KCNH8: variants seen among roughly 807,000 people sequenced by gnomAD.
The protein encoded by KCNH8 is potassium voltage-gated channel subfamily H member 8.
Under a neutral mutation model 103.6 loss-of-function variants are expected in KCNH8, and 70 were observed. That is an observed-to-expected ratio of 0.68 (90% CI 0.56 to 0.82). The LOEUF is 0.82. KCNH8 is among the 40% of genes least tolerant of loss of function. The probability of loss-of-function intolerance (pLI) is 0.00; values close to 1 mark genes in which losing one functional copy is unlikely to be tolerated. For synonymous variants in KCNH8, 498 were observed against 489.4 expected (o/e 1.02, Z -0.23); for missense variants, 1,217 against 1,329.9 (o/e 0.92, Z 1.32).
At chr3:19,245,084 T>A (rs928261488) in intron 1 of KCNH8, among the ~76,000 whole-genome samples, 1 of 152,218 alleles carries the variant, frequency 6.6e-6, no homozygotes, top group African/African-American at 2.4e-5. Context: ...ATTTTTATAG[T>A]TTGAAGTCTT....
chr3:19,394,504 A>AGC (rs1050739991), intron 6 of KCNH8, among the ~76,000 whole-genome samples: 9 of 152,014 alleles, frequency 5.9e-5, no homozygotes, highest in Admixed American at 3.9e-4. Context: ...AGAGAGAGAG[A>AGC]GAGCGAGCTT....
chr3:19,248,217 A>G (rs1020024586), intron 1 of KCNH8, among the ~76,000 whole-genome samples: 3 of 152,178 alleles, frequency 2.0e-5, no homozygotes, highest in Admixed American at 6.5e-5. Flanking sequence ...TGGCCAGTAG[A>G]AGGATATTTC....
intron 2 of KCNH8, among the ~76,000 whole-genome samples, chr3:19,256,825 G>A (rs138969266): frequency 2.0e-5 from 3 of 152,146 alleles, no homozygotes; most frequent in African/African-American, 7.2e-5. Flanking sequence ...TAAGTTAGTC[G>A]CCATGGGGAA....
intron 3 of KCNH8, among the ~76,000 whole-genome samples, chr3:19,319,729 T>A (rs1206595115): frequency 3.3e-5 from 5 of 152,038 alleles, no homozygotes; most frequent in Non-Finnish European, 7.4e-5. Context: ...TTATGGAAAT[T>A]GCATTGAATT....
chr3:19,338,794 T>A (rs2065619446), intron 3 of KCNH8, among the ~76,000 whole-genome samples: 1 of 152,128 alleles, frequency 6.6e-6, no homozygotes, highest in South Asian at 2.1e-4. Context: ...TACTCAATAT[T>A]ATGTTTTTGA....
At position 19,456,681 on chromosome 3, in the gene KCNH8, T is replaced by C. The variant is rs2067536698; in HGVS notation, c.1826-87T>C. ...TCTTCTCTTTTCAGTGTAATCTCAC[T>C]GAAAAATGAAGCCTGTAAGTCAAAT... is the stretch of plus-strand genomic sequence containing the variant. On this transcript the variant is annotated intron_variant, in intron 10 of 15. Transcript: ENST00000328405. 4.7e-6 allele frequency: 4 copies of C among 858,416 alleles called. No individual in the cohort carries two copies. The Admixed American group carries it at 8.7e-5, about 19-fold the overall frequency. The allele number at this position is 858,416 out of a possible 1,614,324, so 53.2% of individuals were successfully genotyped here.
At chr3:19,266,104 T>G in intron 2 of KCNH8, among the ~76,000 whole-genome samples, 1 of 152,110 alleles carries the variant, frequency 6.6e-6, no homozygotes, top group East Asian at 1.9e-4. Flanking sequence ...AAACACATGC[T>G]ACTGTCTTAT....
intron 3 of KCNH8, among the ~76,000 whole-genome samples, chr3:19,296,866 A>T (rs547424622): frequency 6.7e-6 from 1 of 148,838 alleles, no homozygotes; most frequent in South Asian, 2.1e-4. Context: ...TTTTTTTCTT[A>T]AAAAAAAAAG....
At chr3:19,460,292 G>C (rs2067602293) in intron 11 of KCNH8, among the ~76,000 whole-genome samples, 1 of 152,080 alleles carries the variant, frequency 6.6e-6, no homozygotes, top group Non-Finnish European at 1.5e-5. Context: ...ATTTAGCAGA[G>C]CCTGAGCTCC....
rs182186430 is a variant in KCNH8 at position 19,435,023 on chromosome 3, A to C, written c.1178-3141A>C. On this transcript the variant is annotated intron_variant, in intron 7 of 15. Coordinates refer to ENST00000328405, the MANE Select transcript of KCNH8 (RefSeq NM_144633.3). ...TAAAACTTGAAAACTGCTAAGAATAAATCTTAAATGTTCTCACCACACACA... is the reference window on the plus strand; with the variant it reads ...TAAAACTTGAAAACTGCTAAGAATACATCTTAAATGTTCTCACCACACACA... Among the ~76,000 whole-genome samples the C allele has an allele frequency of 4.0e-3, 614 of 152,236 alleles. 5 individuals carry two copies. Among genetic ancestry groups the C allele is most frequent in the Middle Eastern group, 0.017 (5 of 294 alleles).
At chr3:19,202,342 T>C (rs2063671619) in intron 1 of KCNH8, among the ~76,000 whole-genome samples, 3 of 152,156 alleles carry the variant, frequency 2.0e-5, no homozygotes, top group Non-Finnish European at 2.9e-5. Context: ...CCTGCCATAA[T>C]TTGAACTAGT....
At chr3:19,298,460 C>T (rs1189917367) in intron 3 of KCNH8, among the ~76,000 whole-genome samples, 1 of 152,094 alleles carries the variant, frequency 6.6e-6, no homozygotes, top group African/African-American at 2.4e-5. Context: ...ATAATCCATC[C>T]ACTGTGGGTT....
intron 11 of KCNH8, among the ~76,000 whole-genome samples, chr3:19,475,962 T>C (rs1466351415): frequency 2.0e-5 from 3 of 152,164 alleles, no homozygotes; most frequent in Admixed American, 6.5e-5. Context: ...TTGAGTACAA[T>C]ACTGTAGTAT....
chr3:19,294,346 CA>C (rs1457224199), intron 3 of KCNH8, among the ~76,000 whole-genome samples: 2 of 152,094 alleles, frequency 1.3e-5, no homozygotes, highest in Non-Finnish European at 2.9e-5. Context: ...CAACGTGGAA[CA>C]TTGTAGTAAT....
At chr3:19,366,091 T>G (rs1448464758) in intron 5 of KCNH8, among the ~76,000 whole-genome samples, 1 of 152,114 alleles carries the variant, frequency 6.6e-6, no homozygotes, top group Non-Finnish European at 1.5e-5. Context: ...AAGCTCTAGT[T>G]GAAATGCCAT....
At chr3:19,456,649 T>G in intron 10 of KCNH8, 119 bp from the exon 11 acceptor site, 1 of 672,580 alleles carries the variant, frequency 1.5e-6, no homozygotes, top group Non-Finnish European at 2.6e-6. Context: ...TGCCCCAAGG[T>G]AAACATTCTT....
chr3:19,506,083 G>A (rs79665909), intron 11 of KCNH8, among the ~76,000 whole-genome samples: 21,505 of 152,034 alleles, frequency 0.14, 2,279 homozygotes, highest in East Asian at 0.33. Flanking sequence ...TAGATTCCTT[G>A]TACTGGGTAC....
chr3:19,174,728 T>A (rs1156321298), intron 1 of KCNH8, among the ~76,000 whole-genome samples: 7 of 152,164 alleles, frequency 4.6e-5, no homozygotes, highest in African/African-American at 1.4e-4. Context: ...ATTCTCCTAG[T>A]GGTGTCTAGC....
At position 19,325,284 on chromosome 3, in the gene KCNH8, G is replaced by A. The variant is rs148121195; in HGVS notation, c.443-17303G>A. ...CTAGGCAATACCATTTAGGGCATAGGCATGGGCAAAGATTTCATGATGAAG... is the reference window on the plus strand; with the variant it reads ...CTAGGCAATACCATTTAGGGCATAGACATGGGCAAAGATTTCATGATGAAG... On this transcript the variant is annotated intron_variant, in intron 3 of 15. Coordinates refer to ENST00000328405, the MANE Select transcript of KCNH8 (RefSeq NM_144633.3). 2.3e-3 allele frequency among the ~76,000 whole-genome samples: 355 copies of A among 152,190 alleles called. 1 individual carries two copies. The highest frequency in any genetic ancestry group is 7.6e-3 in the African/African-American group (315 of 41,516).
Sources: allele counts gnomAD v4.1 joint callset (sites outside exome capture counted in the v4.1 genomes callset), GRCh38; gene constraint gnomAD v4.1.1; transcripts MANE v1.5; gene names NCBI Gene and HGNC (gene_info 2026-07-23, HGNC 2026-07-21).